RAB3GAP1: variants seen among roughly 807,000 people sequenced by gnomAD.
RAB3GAP1 encodes the protein RAB3 GTPase activating protein catalytic subunit 1, also known as rab3 GTPase-activating protein catalytic subunit.
A neutral mutation model predicts 130.7 loss-of-function variants in RAB3GAP1; 86 were observed. The observed-to-expected ratio is 0.66, with a 90% CI of 0.55 to 0.79. The LOEUF is 0.79. Ranked by LOEUF, RAB3GAP1 falls within the 30% of genes least tolerant of loss-of-function variation. RAB3GAP1 has a pLI of 0.00. For missense variants in RAB3GAP1, 1,029 were observed against 1,169.4 expected, an observed-to-expected ratio of 0.88 and a Z score of 1.75; for synonymous variants, 367 against 401.7, an observed-to-expected ratio of 0.91 and a Z score of 1.03.
intron 17 of RAB3GAP1, among the ~76,000 whole-genome samples, chr2:135,138,885 G>A (rs1441071610): frequency 1.3e-5 from 2 of 151,950 alleles, no homozygotes; most frequent in Non-Finnish European, 2.9e-5. Context: ...CAAAGTGCTG[G>A]GATTATAGGC....
intron 7 of RAB3GAP1, among the ~76,000 whole-genome samples, chr2:135,120,573 A>G (rs1691165963): frequency 6.6e-6 from 1 of 152,312 alleles, no homozygotes; most frequent in South Asian, 2.1e-4. Flanking sequence ...TTCTGTGAAA[A>G]GGATTTCCTA....
At chr2:135,144,839 A>G (rs2104967813) in intron 17 of RAB3GAP1, among the ~76,000 whole-genome samples, 1 of 152,312 alleles carries the variant, frequency 6.6e-6, no homozygotes, top group East Asian at 1.9e-4. Context: ...TGTGTTGTAA[A>G]TGCGGTATTC....
At chr2:135,160,330 G>A (rs984659489) in intron 19 of RAB3GAP1, among the ~76,000 whole-genome samples, 3 of 152,100 alleles carry the variant, frequency 2.0e-5, no homozygotes, top group Non-Finnish European at 4.4e-5. Flanking sequence ...AAAGGCAATG[G>A]ATGATCCTTA....
intron 18 of RAB3GAP1, among the ~76,000 whole-genome samples, chr2:135,151,090 A>T (rs180991901): frequency 4.7e-4 from 71 of 152,342 alleles, no homozygotes; most frequent in Admixed American, 2.0e-3. Flanking sequence ...TTAGGGTTAG[A>T]TACAGGTCTG....
At chr2:135,120,350 A>G (rs1476587132) in intron 7 of RAB3GAP1, among the ~76,000 whole-genome samples, 1 of 152,236 alleles carries the variant, frequency 6.6e-6, no homozygotes, top group Admixed American at 6.5e-5. Flanking sequence ...AGCTACATCA[A>G]ATGAAAACAT....
rs747537406 is a variant in RAB3GAP1, at chr2:135,120,865, T to A, written c.695T>A (p.Phe232Tyr). 1 of 1,613,492 alleles carries A rather than the reference T, an allele frequency of 6.2e-7. No individual in the cohort carries two copies. Among genetic ancestry groups the A allele is most frequent in the Non-Finnish European group, 8.5e-7 (1 of 1,179,430 alleles). ...CCTCCAGTTAGTATTGCTATTCGAT[T>A]TACCTATGTACTTCAAGATTGGCAG... ...PLPPVSIAIRFTYVLQDWQQY... is the reference protein window; with the variant it reads ...PLPPVSIAIRYTYVLQDWQQY... Residue 232 changes from phenylalanine to tyrosine, a missense_variant, in exon 8 of 24, where the codon TTT (phenylalanine) becomes TAT (tyrosine). Transcript: ENST00000264158.
intron 19 of RAB3GAP1, among the ~76,000 whole-genome samples, chr2:135,157,878 C>T (rs958790454): frequency 1.5e-4 from 23 of 150,168 alleles, no homozygotes; most frequent in African/African-American, 5.6e-4. Flanking sequence ...CTATTATTAT[C>T]TAAGCTTGGT....
intron 3 of RAB3GAP1, among the ~76,000 whole-genome samples, chr2:135,075,701 A>G: frequency 7.3e-6 from 1 of 137,236 alleles, no homozygotes; most frequent in African/African-American, 2.8e-5. Context: ...TATTTCCTTC[A>G]TATGGGGGTT....
intron 3 of RAB3GAP1, among the ~76,000 whole-genome samples, chr2:135,083,612 C>T (rs1443814451): frequency 6.6e-6 from 1 of 151,644 alleles, no homozygotes; most frequent in Non-Finnish European, 1.5e-5. Flanking sequence ...TAGGCATGTA[C>T]CAACACATTA....
chr2:135,074,115 G>A lies in RAB3GAP1; in HGVS notation c.150+16029G>A, dbSNP rs566270501. On this transcript the variant is annotated intron_variant, in intron 3 of 23. Transcript: ENST00000264158. ...CTGGGTGCTCAATCCAGGTAGGAGGGGAAAGGGATGAGGGAAGACTCACTG... is the reference window on the plus strand; with the variant it reads ...CTGGGTGCTCAATCCAGGTAGGAGGAGAAAGGGATGAGGGAAGACTCACTG... Among the ~76,000 whole-genome samples the A allele has an allele frequency of 4.5e-4, 69 of 152,298 alleles. No homozygotes were observed. The South Asian group carries it at 0.014, about 31-fold the overall frequency.
rs552737614 is a variant in RAB3GAP1 at position 135,074,347 on chromosome 2, C to G, written c.150+16261C>G. Among the ~76,000 whole-genome samples, 42 of 152,338 alleles carry G rather than the reference C, an allele frequency of 2.8e-4. 1 individual carries two copies. The highest frequency in any genetic ancestry group is 9.6e-4 in the African/African-American group (40 of 41,580). The stretch of plus-strand genomic sequence containing the variant: ...ACAGAAAGGACAGGAGAGAGCCTTC[C>G]TCCCTTCTGGGCAAGGTGGCCAAAC... On this transcript the variant is annotated intron_variant, in intron 3 of 23. Transcript: ENST00000264158.
Position 135,162,827 on chromosome 2 carries a change from C to A in RAB3GAP1, c.2466C>A (p.Pro822=), listed in dbSNP as rs762169801. The change falls in exon 21 of 24, where the codon CCC becomes CCA. Residue 822 remains proline, a synonymous_variant. Coordinates refer to ENST00000264158, the MANE Select transcript of RAB3GAP1 (RefSeq NM_012233.3). ...ATTCCAGTAAAGTTTTGCACTTCCCCAATCCAGAAGACAAGAAATTGGAAG... is the reference window on the plus strand; with the variant it reads ...ATTCCAGTAAAGTTTTGCACTTCCCAAATCCAGAAGACAAGAAATTGGAAG... ...ISHSSKVLHF[P]NPEDKKLEEI... is the part of the protein sequence containing the mutation. 1 of 1,612,640 alleles carries A rather than the reference C, an allele frequency of 6.2e-7. No homozygotes were observed. Among genetic ancestry groups the A allele is most frequent in the South Asian group, 1.1e-5 (1 of 91,042 alleles).
rs144485335 is a variant in RAB3GAP1, at chr2:135,062,183, G to A, written c.150+4097G>A. 9.3e-3 allele frequency among the ~76,000 whole-genome samples: 1,421 copies of A among 152,212 alleles called. 23 individuals are homozygous for A. Among genetic ancestry groups the A allele is most frequent in the African/African-American group, 0.032 (1,331 of 41,528 alleles). The stretch of plus-strand genomic sequence containing the variant: ...CCCGCCTCGGCTTCCCAAAGTGCTG[G>A]GATTACGGGCATGAGGCACTGCGCC... On this transcript the variant is annotated intron_variant, in intron 3 of 23. Coordinates refer to ENST00000264158, the MANE Select transcript of RAB3GAP1 (RefSeq NM_012233.3).
At chr2:135,062,636 C>G (rs963606938) in intron 3 of RAB3GAP1, among the ~76,000 whole-genome samples, 1 of 152,184 alleles carries the variant, frequency 6.6e-6, no homozygotes, top group African/African-American at 2.4e-5. Context: ...GACATTTTAA[C>G]AGTTTTGAAA....
chr2:135,061,239 A>G (rs1232114703), intron 3 of RAB3GAP1, among the ~76,000 whole-genome samples: 1 of 152,172 alleles, frequency 6.6e-6, no homozygotes, highest in African/African-American at 2.4e-5. Context: ...ATTAGGAATA[A>G]AGCAGAACAT....
chr2:135,171,403 G>A (rs1176796179), downstream of RAB3GAP1, among the ~76,000 whole-genome samples: 1 of 152,090 alleles, frequency 6.6e-6, no homozygotes, highest in Non-Finnish European at 1.5e-5. Flanking sequence ...TACAGCTGTC[G>A]TATATCTTGA....
At chr2:135,148,523 T>TTCTCACTG (rs1692071989) in intron 17 of RAB3GAP1, among the ~76,000 whole-genome samples, 1 of 149,388 alleles carries the variant, frequency 6.7e-6, no homozygotes, top group African/African-American at 2.5e-5. Flanking sequence ...GGTGACGGGA[T>TTCTCACTG]TCTCACTGTT....
rs530865806 is a variant in RAB3GAP1, at chr2:135,153,546, A to C, written c.2062-103A>C. ...AAATTCATTTTACATATTAGATTGTAAAGATTAGATAGGCTTTTTTTGAAA... is the reference window on the plus strand; with the variant it reads ...AAATTCATTTTACATATTAGATTGTCAAGATTAGATAGGCTTTTTTTGAAA... On this transcript the variant is annotated intron_variant, in intron 18 of 23. Transcript: ENST00000264158. 2.6e-5 allele frequency: 28 copies of C among 1,064,348 alleles called. No homozygotes were observed. In the Admixed American group the frequency reaches 3.0e-4, roughly 12 times the overall value. 65.9% of individuals were successfully genotyped at this position (1,064,348 alleles called of 1,614,324 possible). A position where few individuals can be genotyped will look rare whatever the true frequency, so the allele number is the denominator to read the frequency against.
chr2:135,143,973 C>CA (rs1419736365), intron 17 of RAB3GAP1, among the ~76,000 whole-genome samples: 1 of 152,150 alleles, frequency 6.6e-6, no homozygotes, highest in Non-Finnish European at 1.5e-5. Context: ...TGCATAGTGA[C>CA]ACAGGAATTT....
Sources: gnomAD v4.1 joint callset for allele counts (sites outside exome capture counted in the v4.1 genomes callset) on GRCh38, gnomAD v4.1.1 for gene constraint, MANE v1.5 for transcripts, NCBI Gene and HGNC (gene_info 2026-07-23, HGNC 2026-07-21) for gene names.